The following SYNE2 variants were observed in gnomAD, a reference collection of about 807,000 sequenced individuals.
The protein encoded by SYNE2 is nesprin-2.
Under a neutral mutation model 856.3 loss-of-function variants are expected in SYNE2, and 431 were observed. That is an observed-to-expected ratio of 0.50 (90% CI 0.47 to 0.55). The LOEUF (loss-of-function observed/expected upper bound fraction) is 0.55. SYNE2 is among the 20% of genes least tolerant of loss of function. The probability of loss-of-function intolerance (pLI) is 0.00; values close to 1 mark genes in which losing one functional copy is unlikely to be tolerated. For missense variants in SYNE2, 8,129 were observed against 8,023.2 expected (o/e 1.01, Z -0.50); for synonymous variants, 2,923 against 2,872.3 (o/e 1.02, Z -0.56).
intron 99 of SYNE2, chr14:64,202,066 G>T (rs897502318): frequency 1.2e-5 from 8 of 649,586 alleles, no homozygotes; most frequent in Non-Finnish European, 2.2e-5. Flanking sequence ...CATGCCATGC[G>T]TGTGCTTTCA....
At chr14:64,081,954 C>T (rs1200763904) in intron 57 of SYNE2, among the ~76,000 whole-genome samples, 1 of 151,942 alleles carries the variant, frequency 6.6e-6, no homozygotes, top group Non-Finnish European at 1.5e-5. Flanking sequence ...GGCACGGTGG[C>T]GGGCGCCTGT....
At chr14:64,076,539 C>G (rs1489235062) in intron 54 of SYNE2, among the ~76,000 whole-genome samples, 1 of 152,112 alleles carries the variant, frequency 6.6e-6, no homozygotes, top group Non-Finnish European at 1.5e-5. Flanking sequence ...TAGTGTCTGT[C>G]TAACGATGAT....
chr14:63,781,051 C>T (rs548082832), intron 1 of SYNE2, among the ~76,000 whole-genome samples: 5 of 151,944 alleles, frequency 3.3e-5, no homozygotes, highest in Admixed American at 2.0e-4. Context: ...CCGAGGTGGG[C>T]GGATTACCTG....
chr14:64,188,298 G>C (rs965577046), intron 97 of SYNE2, among the ~76,000 whole-genome samples: 3 of 152,038 alleles, frequency 2.0e-5, no homozygotes, highest in Non-Finnish European at 4.4e-5. Flanking sequence ...CACGAGTATT[G>C]GATAAAAACA....
chr14:64,005,341 A>G (rs2096788142), intron 30 of SYNE2, among the ~76,000 whole-genome samples: 1 of 152,234 alleles, frequency 6.6e-6, no homozygotes. Flanking sequence ...TGAAGCTGGC[A>G]TGGACCAGTG....
chr14:64,049,723 C>T lies in SYNE2; in HGVS notation c.7490C>T (p.Ser2497Leu), dbSNP rs778422950. 1.2e-5 allele frequency: 19 copies of T among 1,613,976 alleles called. No homozygotes were observed. Among genetic ancestry groups the T allele is most frequent in the Admixed American group, 5.0e-5 (3 of 59,990 alleles). The change falls in exon 47 of 116, where the codon TCG (serine) becomes TTG (leucine). Residue 2497 changes from serine to leucine, a missense_variant. By Grantham distance (145) the Ser-to-Leu change is moderately radical. Coordinates refer to ENST00000555002, the MANE Select transcript of SYNE2 (RefSeq NM_182914.3). ...TTGGTTCTCCACAATATAGGATATT[C>T]GGCACAGCATTTGGACAATTTGCTT... Reference protein sequence around the residue: ...GALVLHNIGYSAQHLDNLLQA... With the variant: ...GALVLHNIGYLAQHLDNLLQA...
At chr14:63,943,247 T>C (rs975123500) in intron 6 of SYNE2, among the ~76,000 whole-genome samples, 28 of 152,362 alleles carry the variant, frequency 1.8e-4, no homozygotes, top group African/African-American at 6.7e-4. Context: ...TACTGTATGC[T>C]AGCTCTTATG....
intron 1 of SYNE2, among the ~76,000 whole-genome samples, chr14:63,847,955 C>G (rs551075546): frequency 1.3e-5 from 2 of 152,174 alleles, no homozygotes; most frequent in African/African-American, 4.8e-5. Flanking sequence ...GGTGCAATCT[C>G]AACTCACTGC....
intron 1 of SYNE2, among the ~76,000 whole-genome samples, chr14:63,907,291 A>G (rs2095420026): frequency 1.3e-5 from 2 of 152,242 alleles, no homozygotes; most frequent in Admixed American, 6.5e-5. Flanking sequence ...AAAATAAATG[A>G]CATATGGCAA....
intron 2 of SYNE2, among the ~76,000 whole-genome samples, chr14:63,932,206 C>A (rs940942705): frequency 2.6e-5 from 4 of 151,794 alleles, no homozygotes; most frequent in African/African-American, 4.8e-5. Context: ...CGTAGTGAAA[C>A]CCCCGTCTCT....
chr14:64,198,572 C>T (rs545526698), intron 99 of SYNE2, among the ~76,000 whole-genome samples: 1 of 152,120 alleles, frequency 6.6e-6, no homozygotes, highest in Non-Finnish European at 1.5e-5. Flanking sequence ...TTGGGATATA[C>T]CGGCTAAATC....
At chr14:63,934,151 G>A (rs1372568078) in intron 2 of SYNE2, among the ~76,000 whole-genome samples, 1 of 152,150 alleles carries the variant, frequency 6.6e-6, no homozygotes, top group Non-Finnish European at 1.5e-5. Context: ...TCTAAGTTCG[G>A]ACAATGAGTT....
intron 114 of SYNE2, among the ~76,000 whole-genome samples, 178 bp from the exon 115 acceptor site, chr14:64,224,821 C>T (rs542538369): frequency 1.3e-5 from 2 of 152,160 alleles, no homozygotes; most frequent in Non-Finnish European, 2.9e-5. Flanking sequence ...GTAGATTAAC[C>T]TAATTATTTC....
chr14:64,194,825 C>T (rs181856020), intron 99 of SYNE2, among the ~76,000 whole-genome samples: 5 of 152,322 alleles, frequency 3.3e-5, no homozygotes, highest in East Asian at 1.9e-4. Flanking sequence ...TCTGAAAAGA[C>T]GGTCCTTGGA....
At chr14:64,081,115 C>G (rs1187357499) in intron 56 of SYNE2, among the ~76,000 whole-genome samples, 5 of 152,176 alleles carry the variant, frequency 3.3e-5, no homozygotes, top group African/African-American at 1.2e-4. Flanking sequence ...GGGCAAGGTC[C>G]TGAACAGGAG....
chr14:64,200,619 T>C (rs1152601), intron 99 of SYNE2, among the ~76,000 whole-genome samples: 80,184 of 152,078 alleles, frequency 0.53, 23,648 homozygotes, highest in African/African-American at 0.8. Context: ...TCTGTTACTT[T>C]CTTTTTAATA....
chr14:63,762,383 T>C (rs1227412262), intron 1 of SYNE2, among the ~76,000 whole-genome samples: 3 of 142,564 alleles, frequency 2.1e-5, no homozygotes, highest in African/African-American at 5.3e-5. Flanking sequence ...TGCAGTGAGC[T>C]GAGACCGTGC....
chr14:64,187,842 T>C (rs1161567688), intron 97 of SYNE2, among the ~76,000 whole-genome samples: 1 of 152,330 alleles, frequency 6.6e-6, no homozygotes, highest in African/African-American at 2.4e-5. Context: ...TTATTTAAAT[T>C]TATATTTAGT....
chr14:64,159,243 G>A (rs2098310044), intron 86 of SYNE2, 69 bp from the exon 87 acceptor site: 1 of 1,604,660 alleles, frequency 6.2e-7, no homozygotes, highest in Non-Finnish European at 8.5e-7. Flanking sequence ...CAAGTGTTGA[G>A]AAGCTGCCAC....
Sources: allele counts gnomAD v4.1 joint callset (sites outside exome capture counted in the v4.1 genomes callset), GRCh38; gene constraint gnomAD v4.1.1; transcripts MANE v1.5; gene names NCBI Gene and HGNC (gene_info 2026-07-23, HGNC 2026-07-21).